The following LRRTM4 variants were observed in gnomAD, a reference collection of about 807,000 sequenced individuals.
LRRTM4 encodes the protein leucine rich repeat transmembrane neuronal 4, also known as leucine-rich repeat transmembrane neuronal protein 4.
In LRRTM4, 25 loss-of-function variants were observed where a neutral mutation model predicts 47.6. The ratio of observed to expected loss-of-function variants is 0.53; its 90% confidence interval spans 0.38 to 0.73. LRRTM4 has a LOEUF of 0.73. Ranked by LOEUF, LRRTM4 falls within the 30% of genes least tolerant of loss-of-function variation. The probability of loss-of-function intolerance (pLI) is 0.00; values close to 1 mark genes in which losing one functional copy is unlikely to be tolerated. For synonymous variants in LRRTM4, 311 were observed against 269.5 expected, an observed-to-expected ratio of 1.15 and a Z score of -1.51; for missense variants, 638 against 713.4, an observed-to-expected ratio of 0.89 and a Z score of 1.20.
chr2:77,465,457 C>T (rs1261812619), intron 3 of LRRTM4, among the ~76,000 whole-genome samples: 1 of 152,068 alleles, frequency 6.6e-6, no homozygotes, highest in Non-Finnish European at 1.5e-5. Context: ...GAATTTATAA[C>T]GTCACAGCTG....
intron 3 of LRRTM4, among the ~76,000 whole-genome samples, chr2:76,762,668 T>A (rs1217532323): frequency 6.6e-6 from 1 of 152,160 alleles, no homozygotes; most frequent in African/African-American, 2.4e-5. Context: ...TGATTTAGAC[T>A]AATTAAGTAG....
At chr2:77,214,316 A>T (rs1674377510) in intron 3 of LRRTM4, among the ~76,000 whole-genome samples, 1 of 152,160 alleles carries the variant, frequency 6.6e-6, no homozygotes, top group Non-Finnish European at 1.5e-5. Context: ...GGGTTAAGTC[A>T]TCTGGATTCT....
intron 3 of LRRTM4, among the ~76,000 whole-genome samples, chr2:77,196,555 C>T (rs913964759): frequency 1.3e-5 from 2 of 152,084 alleles, no homozygotes; most frequent in African/African-American, 4.8e-5. Context: ...ATCCTCCTGG[C>T]CAATATGGCG....
At chr2:77,352,086 A>G (rs1455952636) in intron 3 of LRRTM4, among the ~76,000 whole-genome samples, 3 of 152,148 alleles carry the variant, frequency 2.0e-5, no homozygotes, top group East Asian at 1.9e-4. Flanking sequence ...ATGAGCATCA[A>G]TTGGCAATGA....
intron 3 of LRRTM4, among the ~76,000 whole-genome samples, chr2:77,437,656 CA>C (rs1675657658): frequency 6.6e-6 from 1 of 151,944 alleles, no homozygotes; most frequent in Non-Finnish European, 1.5e-5. Context: ...AAGTACAGTA[CA>C]AAACTTAATT....
chr2:76,907,035 T>C (rs62170295), intron 3 of LRRTM4, among the ~76,000 whole-genome samples: 21,991 of 151,950 alleles, frequency 0.14, 2,016 homozygotes, highest in Admixed American at 0.22. Flanking sequence ...ATCAACACAA[T>C]ATACATTTTT....
At chr2:76,918,161 C>T (rs147037383) in intron 3 of LRRTM4, among the ~76,000 whole-genome samples, 49 of 152,224 alleles carry the variant, frequency 3.2e-4, no homozygotes, top group African/African-American at 1.0e-3. Context: ...AAAATTGTCA[C>T]AATACACTAA....
At chr2:76,815,487 C>G (rs1488655981) in intron 3 of LRRTM4, among the ~76,000 whole-genome samples, 1 of 152,066 alleles carries the variant, frequency 6.6e-6, no homozygotes, top group Non-Finnish European at 1.5e-5. Context: ...TAATTAATAT[C>G]TATCAACTGG....
chr2:77,491,319 T>C (rs1271577877), intron 3 of LRRTM4, among the ~76,000 whole-genome samples: 2 of 150,544 alleles, frequency 1.3e-5, no homozygotes, highest in South Asian at 2.1e-4. Context: ...AAGCCAAATA[T>C]GGAAAAAGAT....
chr2:77,136,376 TG>T (rs1671942429), intron 3 of LRRTM4, among the ~76,000 whole-genome samples: 2 of 151,976 alleles, frequency 1.3e-5, no homozygotes, highest in Admixed American at 6.6e-5. Flanking sequence ...GGGTCTGGAG[TG>T]GACCTCCAGC....
chr2:76,983,857 C>G (rs1676699587), intron 3 of LRRTM4, among the ~76,000 whole-genome samples: 1 of 151,958 alleles, frequency 6.6e-6, no homozygotes, highest in Non-Finnish European at 1.5e-5. Context: ...AGTTTAGAGA[C>G]AAACAGCTAA....
chr2:76,929,854 TAA>T (rs1325568602), intron 3 of LRRTM4, among the ~76,000 whole-genome samples: 1 of 152,058 alleles, frequency 6.6e-6, no homozygotes, highest in Non-Finnish European at 1.5e-5. Context: ...TTTTAGAATA[TAA>T]ATATTTTTAA....
At chr2:76,808,489 C>T (rs1427513030) in intron 3 of LRRTM4, among the ~76,000 whole-genome samples, 2 of 150,540 alleles carry the variant, frequency 1.3e-5, no homozygotes, top group Admixed American at 6.6e-5. Context: ...GAGACAGGAA[C>T]TACCTGAAAT....
intron 3 of LRRTM4, among the ~76,000 whole-genome samples, chr2:77,433,011 G>A (rs1675446850): frequency 1.3e-5 from 2 of 152,186 alleles, no homozygotes; most frequent in African/African-American, 2.4e-5. Flanking sequence ...ATAGCTGAGT[G>A]AGCATTGTGT....
chr2:76,836,456 C>A (rs939092287), intron 3 of LRRTM4, among the ~76,000 whole-genome samples: 1 of 151,798 alleles, frequency 6.6e-6, no homozygotes, highest in Non-Finnish European at 1.5e-5. Flanking sequence ...TTCACACTTT[C>A]CTGTGTTATT....
intron 3 of LRRTM4, among the ~76,000 whole-genome samples, chr2:76,809,867 T>C (rs992355666): frequency 6.6e-6 from 1 of 152,170 alleles, no homozygotes; most frequent in African/African-American, 2.4e-5. Flanking sequence ...CTGTTTTTTC[T>C]GGATGTTAGA....
At chr2:77,126,439 G>T (rs1331517393) in intron 3 of LRRTM4, among the ~76,000 whole-genome samples, 1 of 152,112 alleles carries the variant, frequency 6.6e-6, no homozygotes, top group African/African-American at 2.4e-5. Flanking sequence ...ATCATTTATT[G>T]TATCTTCTCT....
At chr2:76,906,518 G>A (rs1438352199) in intron 3 of LRRTM4, among the ~76,000 whole-genome samples, 1 of 151,980 alleles carries the variant, frequency 6.6e-6, no homozygotes, top group Non-Finnish European at 1.5e-5. Flanking sequence ...AATGTAAATG[G>A]ACTAAATGCT....
chr2:77,474,718 T>C (rs993307670), intron 3 of LRRTM4, among the ~76,000 whole-genome samples: 3 of 152,106 alleles, frequency 2.0e-5, no homozygotes, highest in Admixed American at 1.3e-4. Flanking sequence ...TATGTTTTGA[T>C]TGAGGATCAA....
Sources: gnomAD v4.1 joint callset for allele counts (sites outside exome capture counted in the v4.1 genomes callset) on GRCh38, gnomAD v4.1.1 for gene constraint, MANE v1.5 for transcripts, NCBI Gene and HGNC (gene_info 2026-07-23, HGNC 2026-07-21) for gene names.